The following DISC1 variants were observed in gnomAD, a reference collection of about 807,000 sequenced individuals.
The protein encoded by DISC1 is DISC1 scaffold protein, also known as disrupted in schizophrenia 1 protein.
In DISC1, 57 loss-of-function variants were observed where a neutral mutation model predicts 84.5. That is an observed-to-expected ratio of 0.67 (90% confidence interval 0.55 to 0.84). The LOEUF (loss-of-function observed/expected upper bound fraction) is 0.84, where lower values mean the gene tolerates loss of function less well. Among genes scored for constraint, DISC1 ranks in the 40% least tolerant of loss-of-function variants. DISC1 has a pLI of 0.00. For missense variants in DISC1, 1,000 were observed against 1,057.8 expected, an observed-to-expected ratio of 0.95 and a Z score of 0.76; for synonymous variants, 411 against 415.2, an observed-to-expected ratio of 0.99 and a Z score of 0.12.
chr1:231,642,371 G>A (rs1023398498), intron 1 of DISC1, among the ~76,000 whole-genome samples: 5 of 152,156 alleles, frequency 3.3e-5, no homozygotes, highest in African/African-American at 9.6e-5. Context: ...AGCGGCGGGC[G>A]GAAGGGCTCC....
chr1:231,787,907 T>C lies in DISC1; in HGVS notation c.1635-7335T>C, dbSNP rs200560876. 7.9e-5 allele frequency among the ~76,000 whole-genome samples: 12 copies of C among 152,286 alleles called. No homozygotes were observed. In the East Asian group the frequency reaches 2.1e-3, roughly 27 times the overall value. On this transcript the variant is annotated intron_variant, in intron 6 of 12. Coordinates refer to ENST00000439617, the MANE Select transcript of DISC1 (RefSeq NM_018662.3). ...ACCCTCCACATTGTCTTCCTTCCCATGCCAGCCTGTATTAGTTTGCTGCCA... is the reference window on the plus strand; with the variant it reads ...ACCCTCCACATTGTCTTCCTTCCCACGCCAGCCTGTATTAGTTTGCTGCCA...
intron 10 of DISC1, among the ~76,000 whole-genome samples, chr1:231,980,238 T>A (rs1663402340): frequency 6.6e-6 from 1 of 152,244 alleles, no homozygotes. Context: ...CTAAACACAC[T>A]GTTCTGCATC....
chr1:231,649,007 C>A (rs575134401), intron 1 of DISC1, among the ~76,000 whole-genome samples: 2 of 152,080 alleles, frequency 1.3e-5, no homozygotes, highest in East Asian at 1.9e-4. Context: ...TTCAAAAAAC[C>A]AGCTCTTGGA....
chr1:231,837,017 A>G (rs996909892), intron 9 of DISC1, among the ~76,000 whole-genome samples: 2 of 152,228 alleles, frequency 1.3e-5, no homozygotes, highest in Admixed American at 6.5e-5. Flanking sequence ...ATCTAATGTA[A>G]TATTTAATAG....
intron 9 of DISC1, among the ~76,000 whole-genome samples, chr1:231,934,126 G>T (rs936989619): frequency 1.4e-4 from 22 of 152,206 alleles, no homozygotes; most frequent in African/African-American, 5.3e-4. Context: ...TGGGAAGAGG[G>T]AGGGAGAATC....
chr1:232,009,702 C>A lies in DISC1; in HGVS notation c.2307+653C>A. 1 of 675,352 alleles carries A rather than the reference C, an allele frequency of 1.5e-6. No individual in the cohort carries two copies. The highest frequency in any genetic ancestry group is 1.8e-6 in the Non-Finnish European group (1 of 547,320). The allele number at this position is 675,352 out of a possible 1,614,324, so 41.8% of individuals were successfully genotyped here. On this transcript the variant is annotated intron_variant, in intron 11 of 12. Transcript: ENST00000439617. This position sits in a 1 kb window ranked among gnomAD's most constrained non-coding sequence, Gnocchi z 4.6. The stretch of plus-strand genomic sequence containing the variant: ...TCCTCTCTCCCTTCCCCTTCCACTC[C>A]TCACTTTCCTCCTCCCACCCTAACA...
At chr1:231,945,565 G>A (rs950721997) in intron 9 of DISC1, among the ~76,000 whole-genome samples, 12 of 152,182 alleles carry the variant, frequency 7.9e-5, no homozygotes, top group African/African-American at 2.9e-4. Context: ...AGAGAAGCAA[G>A]AGGAAACAAA....
At chr1:231,921,880 T>C (rs2090035383) in intron 9 of DISC1, among the ~76,000 whole-genome samples, 1 of 150,202 alleles carries the variant, frequency 6.7e-6, no homozygotes, top group African/African-American at 2.5e-5. Context: ...TTCAAGTATA[T>C]GACACATTGT....
At chr1:231,978,875 G>C (rs1475780611) in intron 10 of DISC1, among the ~76,000 whole-genome samples, 1 of 152,130 alleles carries the variant, frequency 6.6e-6, no homozygotes, top group South Asian at 2.1e-4. Flanking sequence ...TGTAGATCAG[G>C]GGTCTCCAAC....
intron 1 of DISC1, among the ~76,000 whole-genome samples, chr1:231,653,584 G>A (rs936627853): frequency 3.9e-5 from 6 of 152,170 alleles, no homozygotes; most frequent in African/African-American, 1.4e-4. Context: ...TGTGTGTGTG[G>A]GAGGAAAGGA....
chr1:231,936,330 A>T (rs186319790), intron 9 of DISC1, among the ~76,000 whole-genome samples: 88 of 152,150 alleles, frequency 5.8e-4, no homozygotes, highest in Non-Finnish European at 3.7e-4. Context: ...TTTTCCCAGC[A>T]TCTAGCCCCA....
At chr1:231,866,729 C>T (rs1404176865) in intron 9 of DISC1, 7 of 1,346,402 alleles carry the variant, frequency 5.2e-6, no homozygotes, top group Non-Finnish European at 6.7e-6. Context: ...CTTCGACTTT[C>T]TAGTCGTCGT....
chr1:231,925,705 A>G (rs1270015912), intron 9 of DISC1: 1 of 152,200 alleles, frequency 6.6e-6, no homozygotes, highest in East Asian at 1.9e-4. Flanking sequence ...CTGAAATCCA[A>G]TGATTAGTAT....
intron 9 of DISC1, among the ~76,000 whole-genome samples, chr1:231,851,240 T>G (rs1350001450): frequency 2.0e-5 from 3 of 152,206 alleles, no homozygotes; most frequent in African/African-American, 7.2e-5. Context: ...CAACTTTAAG[T>G]GCTAACAATC....
intron 9 of DISC1, among the ~76,000 whole-genome samples, chr1:231,901,174 G>A (rs904917416): frequency 6.6e-6 from 1 of 152,196 alleles, no homozygotes; most frequent in African/African-American, 2.4e-5. Context: ...GTCATGCAGT[G>A]AGCCAATTCT....
At position 231,843,271 on chromosome 1, in the gene DISC1, G is replaced by A. The variant is rs761171412; in HGVS notation, c.1981+24754G>A. On this transcript the variant is annotated intron_variant, in intron 9 of 12. Transcript: ENST00000439617. ...AGAGAAAAGCTTCCTTATGGGGACCGCAAGAAGTTTAGTGGGGCTGCGTTG... is the reference window on the plus strand; with the variant it reads ...AGAGAAAAGCTTCCTTATGGGGACCACAAGAAGTTTAGTGGGGCTGCGTTG... Among the ~76,000 whole-genome samples the A allele has an allele frequency of 4.6e-5, 7 of 152,298 alleles. No homozygotes were observed. The East Asian group carries it at 9.6e-4, about 21-fold the overall frequency.
At position 231,954,709 on chromosome 1, in the gene DISC1, T is replaced by C. The variant is rs1169227520; in HGVS notation, c.1982-4119T>C. ...AGGGAAGAAAGGAAGAGGAGGGGAG[T>C]AAGAAGAGAGGAAAAGGTGAGCTCT... On this transcript the variant is annotated intron_variant, in intron 9 of 12. Coordinates refer to ENST00000439617, the MANE Select transcript of DISC1 (RefSeq NM_018662.3). The surrounding 1 kb of genome is among the most constrained non-coding windows in gnomAD (Gnocchi z 4.8). Among the ~76,000 whole-genome samples, 3 of 151,762 alleles carry C rather than the reference T, an allele frequency of 2.0e-5. No homozygotes were observed. The highest frequency in any genetic ancestry group is 7.3e-5 in the African/African-American group (3 of 41,246).
rs183986052 is a variant in DISC1 at position 232,036,581 on chromosome 1, A to G, written c.2426-111A>G. 8.5e-5 allele frequency: 85 copies of G among 1,003,074 alleles called. No individual in the cohort carries two copies. The African/African-American group carries it at 1.3e-3, about 16-fold the overall frequency. The allele number at this position is 1,003,074 out of a possible 1,614,324, so 62.1% of individuals were successfully genotyped here. ...CAATTGGAAAGAACTTTAAACTGCA[A>G]TTAGGTGTCAGTACCCATCTGCTTC... On this transcript the variant is annotated intron_variant, in intron 12 of 12. Coordinates refer to ENST00000439617, the MANE Select transcript of DISC1 (RefSeq NM_018662.3).
At chr1:231,963,065 C>G (rs1251073514) in intron 10 of DISC1, among the ~76,000 whole-genome samples, 1 of 152,210 alleles carries the variant, frequency 6.6e-6, no homozygotes, top group Non-Finnish European at 1.5e-5. Flanking sequence ...GAGTAAGCAT[C>G]TTAAAATACC....
Sources: gnomAD v4.1 joint callset for allele counts (sites outside exome capture counted in the v4.1 genomes callset) on GRCh38, gnomAD v4.1.1 for gene constraint, Gnocchi (gnomAD v3.1) non-coding constraint, MANE v1.5 for transcripts, NCBI Gene and HGNC (gene_info 2026-07-23, HGNC 2026-07-21) for gene names.